The following MGAT4D variants were observed in gnomAD, a reference collection of about 807,000 sequenced individuals.
The protein encoded by MGAT4D is alpha-1,3-mannosyl-glycoprotein 4-beta-N-acetylglucosaminyltransferase-like protein MGAT4D.
In MGAT4D, 34 loss-of-function variants were observed where a neutral mutation model predicts 15.9. That is an observed-to-expected ratio of 2.14 (90% confidence interval 1.62 to 2.84). The LOEUF is 2.84. Among genes scored for constraint, MGAT4D ranks in the 30% most tolerant of loss-of-function variants. The probability of loss-of-function intolerance (pLI) is 0.00; values close to 1 mark genes in which losing one functional copy is unlikely to be tolerated. For synonymous variants in MGAT4D, 112 were observed against 48.2 expected (o/e 2.33, Z -5.49); for missense variants, 327 against 140.2 (o/e 2.33, Z -6.73).
chr4:140,462,325 A>T (rs1053551382), intron 6 of MGAT4D, among the ~76,000 whole-genome samples: 1 of 152,190 alleles, frequency 6.6e-6, no homozygotes, highest in Non-Finnish European at 1.5e-5. Flanking sequence ...TGTTCAAATG[A>T]AAGTATAAAG....
At chr4:140,492,938 A>G (rs1733599801) in intron 1 of MGAT4D, among the ~76,000 whole-genome samples, 1 of 152,254 alleles carries the variant, frequency 6.6e-6, no homozygotes, top group Non-Finnish European at 1.5e-5. Flanking sequence ...CTGGAAAAAT[A>G]AAAAGTCATT....
intron 4 of MGAT4D, among the ~76,000 whole-genome samples, chr4:140,473,018 G>A (rs1434629412): frequency 6.6e-6 from 1 of 151,754 alleles, no homozygotes; most frequent in African/African-American, 2.4e-5. Flanking sequence ...AGATAATAAA[G>A]GTTCTTCTTA....
rs1349848358 is a variant in MGAT4D, at chr4:140,482,334, T to C, written c.246A>G (p.Gly82=). 1.6e-6 allele frequency: 1 copy of C among 624,320 alleles called. No homozygotes were observed. 38.7% of individuals were successfully genotyped at this position (624,320 alleles called of 1,614,324 possible). A position where few individuals can be genotyped will look rare whatever the true frequency, so the allele number is the denominator to read the frequency against. The change falls in exon 2 of 11, where the codon GGA becomes GGG. Residue 82 remains glycine, a synonymous_variant. Coordinates refer to ENST00000511113, the MANE Select transcript of MGAT4D (RefSeq NM_001277353.2). The part of the protein sequence containing the change: ...YEITKREILS[G]NLVAQKADIL... ...AACAAAATCAACACAAACCTAAGTT[T>C]CCTGACAAAATTTCTCTCTTTGTAA...
chr4:140,451,100 C>T (rs1228333910), intron 10 of MGAT4D, among the ~76,000 whole-genome samples: 2 of 152,098 alleles, frequency 1.3e-5, no homozygotes, highest in Non-Finnish European at 2.9e-5. Context: ...GAATTTTAGA[C>T]TAAAAGAGTG....
chr4:140,459,673 T>C (rs531991626), intron 7 of MGAT4D, 47 bp from the exon 8 acceptor site: 28 of 393,320 alleles, frequency 7.1e-5, no homozygotes, highest in Middle Eastern at 8.7e-4. Context: ...GACGCTTCCA[T>C]TGAGTAAAGC....
At chr4:140,447,139 AT>A (rs1417015810) in intron 10 of MGAT4D, among the ~76,000 whole-genome samples, 1 of 151,862 alleles carries the variant, frequency 6.6e-6, no homozygotes, top group Non-Finnish European at 1.5e-5. Context: ...TTTGTGGCCG[AT>A]TTTAGAGTAT....
At chr4:140,470,907 C>A (rs1731892427) in intron 5 of MGAT4D, among the ~76,000 whole-genome samples, 1 of 140,982 alleles carries the variant, frequency 7.1e-6, no homozygotes, top group Non-Finnish European at 1.5e-5. Context: ...TTTTTTGAGA[C>A]ACAGTCTCCC....
At chr4:140,457,951 A>G (rs1730915017) in intron 8 of MGAT4D, 1 of 152,190 alleles carries the variant, frequency 6.6e-6, no homozygotes, top group Non-Finnish European at 1.5e-5. Context: ...GAGTATATGA[A>G]AAACAGATGG....
At chr4:140,449,966 T>C (rs6829451) in intron 10 of MGAT4D, 8,710 of 236,936 alleles carry the variant, frequency 0.037, 719 homozygotes, top group African/African-American at 0.18. Flanking sequence ...AATTTTCTTA[T>C]ACTTGCCACT....
intron 4 of MGAT4D, among the ~76,000 whole-genome samples, chr4:140,472,346 G>A (rs770120767): frequency 5.9e-5 from 9 of 152,142 alleles, no homozygotes; most frequent in Admixed American, 1.3e-4. Flanking sequence ...CGCTAGATTA[G>A]ATGACAGACT....
rs1349734054 is a variant in MGAT4D at position 140,459,548 on chromosome 4, A to C, written c.841T>G (p.Trp281Gly). Residue 281 changes from tryptophan (W) to glycine (G), a missense_variant, in exon 8 of 11, where the codon TGG (tryptophan) becomes GGG (glycine). Trp to Gly is a radical substitution (Grantham distance 184). Coordinates refer to ENST00000511113, the MANE Select transcript of MGAT4D (RefSeq NM_001277353.2). ...AGCATTGAAAACTCAATAAAAAACC[A>C]ATTATTTGAACTGATATTACCTACA... is the stretch of plus-strand genomic sequence containing the variant. ...DFVGNISSNN[W>G]FFIEFSMLGF... The C allele has an allele frequency of 3.8e-6, 2 of 522,768 alleles. No individual in the cohort carries two copies. The highest frequency in any genetic ancestry group is 3.4e-6 in the Non-Finnish European group (1 of 295,106). The allele number at this position is 522,768 out of a possible 1,614,324, so 32.4% of individuals were successfully genotyped here. A position where few individuals can be genotyped will look rare whatever the true frequency, so the allele number is the denominator to read the frequency against.
chr4:140,445,118 C>T (rs542397800), intron 10 of MGAT4D, among the ~76,000 whole-genome samples: 1 of 152,248 alleles, frequency 6.6e-6, no homozygotes, highest in South Asian at 2.1e-4. Flanking sequence ...CTCCTGACCT[C>T]AGGTGATCCA....
chr4:140,477,434 G>C (rs888175067), intron 3 of MGAT4D, among the ~76,000 whole-genome samples: 5 of 152,216 alleles, frequency 3.3e-5, no homozygotes, highest in Admixed American at 6.5e-5. Flanking sequence ...TAAATGAGGA[G>C]ACGTGGAAGA....
intron 4 of MGAT4D, among the ~76,000 whole-genome samples, chr4:140,474,118 C>G (rs1440202647): frequency 1.3e-5 from 2 of 152,166 alleles, no homozygotes; most frequent in Admixed American, 6.5e-5. Flanking sequence ...CCAAATTTCT[C>G]TCCAAAAAGT....
rs78019382 is a variant in MGAT4D, at chr4:140,459,572, C to T, written c.817G>A (p.Val273Ile). The stretch of plus-strand genomic sequence containing the variant: ...CAATTATTTGAACTGATATTACCTA[C>T]AAAATCTGTTATTTTTGTAAAGTAC... ...EMYFTKITDFVGNISSNNWFF... is the reference protein window; with the variant it reads ...EMYFTKITDFIGNISSNNWFF... The change falls in exon 8 of 11, where the codon GTA becomes ATA. Residue 273 changes from valine to isoleucine, a missense_variant. By Grantham distance (29) the Val-to-Ile change is conservative. Coordinates refer to ENST00000511113, the MANE Select transcript of MGAT4D (RefSeq NM_001277353.2). 0.027 allele frequency: 14,109 copies of T among 527,692 alleles called. 269 individuals are homozygous for T. The highest frequency in any genetic ancestry group is 0.034 in the Non-Finnish European group (10,059 of 297,916). 32.7% of individuals were successfully genotyped at this position (527,692 alleles called of 1,614,324 possible). A position where few individuals can be genotyped will look rare whatever the true frequency, so the allele number is the denominator to read the frequency against.
At chr4:140,490,981 A>G (rs1279573284) in intron 1 of MGAT4D, among the ~76,000 whole-genome samples, 1 of 152,248 alleles carries the variant, frequency 6.6e-6, no homozygotes, top group Non-Finnish European at 1.5e-5. Context: ...ATATTCCAAC[A>G]TGAATCCTCG....
rs1260032988 is a variant in MGAT4D at position 140,443,254 on chromosome 4, A to G, written c.*182T>C. 7 of 281,350 alleles carry G rather than the reference A, an allele frequency of 2.5e-5. No homozygotes were observed. Among genetic ancestry groups the G allele is most frequent in the Non-Finnish European group, 4.6e-5 (7 of 152,952 alleles). 17.4% of individuals were successfully genotyped at this position (281,350 alleles called of 1,614,324 possible). A position where few individuals can be genotyped will look rare whatever the true frequency, so the allele number is the denominator to read the frequency against. ...AATTGTAATAGGGTAAAAGCAATAT[A>G]AATGTTCTACCTTGTCTTGACATAA... On this transcript the variant is annotated 3_prime_UTR_variant, in exon 11 of 11. Coordinates refer to ENST00000511113, the MANE Select transcript of MGAT4D (RefSeq NM_001277353.2).
At chr4:140,492,511 C>T (rs182265106) in intron 1 of MGAT4D, among the ~76,000 whole-genome samples, 94 of 152,068 alleles carry the variant, frequency 6.2e-4, no homozygotes, top group African/African-American at 2.0e-3. Context: ...GCCTGTAGTC[C>T]CAGCTACTCA....
intron 4 of MGAT4D, among the ~76,000 whole-genome samples, chr4:140,474,391 G>A (rs1435850761): frequency 6.6e-6 from 1 of 152,150 alleles, no homozygotes; most frequent in Non-Finnish European, 1.5e-5. Flanking sequence ...CTCAATCATA[G>A]GTGTTGTTGC....
Sources: gnomAD v4.1 joint callset for allele counts (sites outside exome capture counted in the v4.1 genomes callset) on GRCh38, gnomAD v4.1.1 for gene constraint, MANE v1.5 for transcripts, NCBI Gene and HGNC (gene_info 2026-07-23, HGNC 2026-07-21) for gene names.